Variants in PTPRD observed in about 807,000 individuals in gnomAD.
The protein encoded by PTPRD is protein tyrosine phosphatase receptor type D, also known as receptor-type tyrosine-protein phosphatase delta.
In PTPRD, 34 loss-of-function variants were observed where a neutral mutation model predicts 214.5. The ratio of observed to expected loss-of-function variants is 0.16; its 90% CI spans 0.12 to 0.21. The LOEUF is 0.21. PTPRD is among the 10% of genes least tolerant of loss of function. The pLI, the probability that PTPRD is intolerant of heterozygous loss-of-function variation, is 1.00. For synonymous variants in PTPRD, 1,128 were observed against 845.7 expected (o/e 1.33, Z -5.79); for missense variants, 2,545 against 2,398.7 (o/e 1.06, Z -1.27).
chr9:8,670,604 G>A (rs188937072), intron 12 of PTPRD, among the ~76,000 whole-genome samples: 29 of 152,162 alleles, frequency 1.9e-4, no homozygotes, highest in African/African-American at 2.9e-4. Context: ...CCATACTTTC[G>A]CGTTCTAAAC....
intron 12 of PTPRD, 76 bp from the exon 13 acceptor site, chr9:8,636,920 C>A (rs2096454182): frequency 1.4e-6 from 2 of 1,452,426 alleles, no homozygotes; most frequent in East Asian, 2.3e-5. Flanking sequence ...GCTGCTCTCC[C>A]CACCATCCTC....
chr9:10,240,944 A>G (rs1457276199), intron 3 of PTPRD, among the ~76,000 whole-genome samples: 1 of 151,828 alleles, frequency 6.6e-6, no homozygotes, highest in African/African-American at 2.4e-5. Flanking sequence ...AATTAGGAGA[A>G]GGCATTTGTA....
chr9:8,566,100 A>ATATG (rs1554806757), intron 14 of PTPRD, among the ~76,000 whole-genome samples: 2 of 137,814 alleles, frequency 1.5e-5, no homozygotes, highest in Non-Finnish European at 3.1e-5. Flanking sequence ...AATGCAAAAT[A>ATATG]TGTGTGTGTG....
chr9:9,740,361 A>ATTTTTTTTTTTTTT (rs35876773), intron 6 of PTPRD, among the ~76,000 whole-genome samples: 6 of 145,600 alleles, frequency 4.1e-5, no homozygotes, highest in African/African-American at 1.5e-4. Flanking sequence ...TAAAACTACT[A>ATTTTTTTTTTTTTT]TTTTTTTTTT....
At chr9:8,875,190 G>T (rs1401875700) in intron 11 of PTPRD, among the ~76,000 whole-genome samples, 2 of 152,110 alleles carry the variant, frequency 1.3e-5, no homozygotes, top group Admixed American at 6.5e-5. Context: ...TAACATAATT[G>T]CTTATCACTG....
intron 14 of PTPRD, among the ~76,000 whole-genome samples, chr9:8,557,883 C>T (rs1038520341): frequency 2.1e-5 from 3 of 140,894 alleles, no homozygotes; most frequent in Non-Finnish European, 3.1e-5. Flanking sequence ...TATCAAGAAA[C>T]AAGGAAATAA....
chr9:10,233,853 G>T (rs954682961), intron 3 of PTPRD, among the ~76,000 whole-genome samples: 8 of 151,880 alleles, frequency 5.3e-5, no homozygotes, highest in African/African-American at 1.9e-4. Flanking sequence ...TAGCAAAAAT[G>T]AGTAGCCCTA....
At chr9:8,783,278 G>A (rs1197520581) in intron 11 of PTPRD, among the ~76,000 whole-genome samples, 1 of 152,134 alleles carries the variant, frequency 6.6e-6, no homozygotes, top group Non-Finnish European at 1.5e-5. Flanking sequence ...GACATAAATA[G>A]AGCACAATGT....
chr9:9,988,718 T>C (rs1372954428), intron 4 of PTPRD, among the ~76,000 whole-genome samples: 1 of 152,066 alleles, frequency 6.6e-6, no homozygotes, highest in African/African-American at 2.4e-5. Flanking sequence ...CTAGGTATAG[T>C]AGAGCTCAGT....
At chr9:9,714,076 T>C (rs1195529760) in intron 7 of PTPRD, among the ~76,000 whole-genome samples, 1 of 136,980 alleles carries the variant, frequency 7.3e-6, no homozygotes, top group Non-Finnish European at 1.5e-5. Context: ...TTACAAGATG[T>C]TGTTCACTTG....
chr9:10,332,363 G>C (rs555632478), intron 3 of PTPRD, among the ~76,000 whole-genome samples: 1 of 151,892 alleles, frequency 6.6e-6, no homozygotes, highest in South Asian at 2.1e-4. Flanking sequence ...CATTCAGCAA[G>C]GATCTCCTGC....
chr9:10,027,977 C>T (rs2096962047), intron 4 of PTPRD, among the ~76,000 whole-genome samples: 1 of 152,084 alleles, frequency 6.6e-6, no homozygotes, highest in South Asian at 2.1e-4. Flanking sequence ...TGTAATATCT[C>T]CCACCTGTCC....
chr9:10,586,215 C>G (rs1209792628), intron 2 of PTPRD, among the ~76,000 whole-genome samples: 3 of 151,946 alleles, frequency 2.0e-5, no homozygotes, highest in Non-Finnish European at 4.4e-5. Context: ...AGCAGAGAGA[C>G]TCAATACGAG....
intron 5 of PTPRD, among the ~76,000 whole-genome samples, chr9:9,925,830 G>T (rs1040749294): frequency 6.6e-6 from 1 of 151,690 alleles, no homozygotes; most frequent in Non-Finnish European, 1.5e-5. Flanking sequence ...ATCTCCCTTT[G>T]TTTGTTTGTT....
At chr9:8,731,417 G>A (rs528128209) in intron 12 of PTPRD, among the ~76,000 whole-genome samples, 1 of 152,294 alleles carries the variant, frequency 6.6e-6, no homozygotes, top group Non-Finnish European at 1.5e-5. Context: ...AAACAAAGAA[G>A]GCTAGATGTG....
At position 10,277,887 on chromosome 9, in the gene PTPRD, G is replaced by T. The variant is rs149863035; in HGVS notation, c.-545+63076C>A. On this transcript the variant is annotated intron_variant, in intron 3 of 45. Coordinates refer to ENST00000381196, the MANE Select transcript of PTPRD (RefSeq NM_002839.4). The stretch of plus-strand genomic sequence containing the variant: ...AAAAGAGTGCTTTGAGGCCGGGCTC[G>T]GTGGCTCATGCCTGTAATCTCAGCA... 2.1e-3 allele frequency among the ~76,000 whole-genome samples: 320 copies of T among 152,226 alleles called. 1 individual carries two copies. Among genetic ancestry groups the T allele is most frequent in the African/African-American group, 7.5e-3 (310 of 41,534 alleles).
intron 8 of PTPRD, among the ~76,000 whole-genome samples, chr9:9,409,122 A>G (rs903356886): frequency 1.3e-5 from 2 of 151,920 alleles, no homozygotes; most frequent in African/African-American, 4.8e-5. Flanking sequence ...TTCTCATATT[A>G]TGCTTTCTTA....
At chr9:10,325,766 C>A (rs144186857) in intron 3 of PTPRD, among the ~76,000 whole-genome samples, 1 of 151,728 alleles carries the variant, frequency 6.6e-6, no homozygotes, top group Non-Finnish European at 1.5e-5. Context: ...TAATTGATGC[C>A]TGATTTTTCA....
At chr9:9,695,253 C>G (rs982437879) in intron 7 of PTPRD, among the ~76,000 whole-genome samples, 6 of 152,100 alleles carry the variant, frequency 3.9e-5, no homozygotes, top group African/African-American at 1.4e-4. Flanking sequence ...GAAATGTTGT[C>G]TGGGAGCTAT....
Sources: allele counts gnomAD v4.1 joint callset (sites outside exome capture counted in the v4.1 genomes callset), GRCh38; gene constraint gnomAD v4.1.1; transcripts MANE v1.5; gene names NCBI Gene and HGNC (gene_info 2026-07-23, HGNC 2026-07-21).